The following ADAMTS9 variants were observed in gnomAD, a reference collection of about 807,000 sequenced individuals.
ADAMTS9 encodes A disintegrin and metalloproteinase with thrombospondin motifs 9.
ADAMTS9 carries 107 observed loss-of-function variants against 257.1 expected under a neutral mutation model. The observed-to-expected ratio is 0.42, with a 90% CI of 0.36 to 0.49. The LOEUF is 0.49. ADAMTS9 is among the 20% of genes least tolerant of loss of function. The probability of loss-of-function intolerance (pLI) is 0.03; values close to 1 mark genes in which losing one functional copy is unlikely to be tolerated. For missense variants in ADAMTS9, 2,353 were observed against 2,469.1 expected (o/e 0.95, Z 1.00); for synonymous variants, 982 against 880.9 (o/e 1.11, Z -2.03).
chr3:64,580,556 C>G (rs1346778475), intron 28 of ADAMTS9, among the ~76,000 whole-genome samples: 1 of 152,114 alleles, frequency 6.6e-6, no homozygotes, highest in Non-Finnish European at 1.5e-5. Flanking sequence ...TGTACTAATT[C>G]TCATCATTTT....
chr3:64,594,878 C>T (rs968189529), intron 27 of ADAMTS9, among the ~76,000 whole-genome samples: 1 of 152,090 alleles, frequency 6.6e-6, no homozygotes, highest in Admixed American at 6.5e-5. Flanking sequence ...CCTCCGCCTC[C>T]CAGGTTCAAG....
At chr3:64,651,221 C>A in intron 8 of ADAMTS9, 58 bp from the exon 9 acceptor site, 1 of 1,448,450 alleles carries the variant, frequency 6.9e-7, no homozygotes, top group Non-Finnish European at 9.2e-7. Flanking sequence ...TCATGCTGTT[C>A]TAATTGCTTC....
chr3:64,542,738 T>C (rs370561099), intron 32 of ADAMTS9, among the ~76,000 whole-genome samples: 47 of 152,188 alleles, frequency 3.1e-4, no homozygotes, highest in African/African-American at 1.1e-3. Flanking sequence ...ATTCAAAAGC[T>C]AGCAGAAGGC....
chr3:64,662,856 ACAC>A (rs1415468118), intron 3 of ADAMTS9, among the ~76,000 whole-genome samples: 1 of 152,162 alleles, frequency 6.6e-6, no homozygotes, highest in Non-Finnish European at 1.5e-5. Flanking sequence ...TGCTGACATG[ACAC>A]CACCAAGTGG....
intron 12 of ADAMTS9, among the ~76,000 whole-genome samples, chr3:64,638,758 C>T (rs999772492): frequency 3.9e-5 from 6 of 151,964 alleles, no homozygotes; most frequent in Non-Finnish European, 1.5e-5. Flanking sequence ...CACGGCAAGG[C>T]TACTTATCTT....
At chr3:64,599,473 T>C (rs1330962415) in intron 26 of ADAMTS9, among the ~76,000 whole-genome samples, 1 of 152,226 alleles carries the variant, frequency 6.6e-6, no homozygotes, top group Non-Finnish European at 1.5e-5. Context: ...TTTGTTTTTT[T>C]CTACCTGCTC....
chr3:64,610,161 C>T (rs1385947111), intron 22 of ADAMTS9, among the ~76,000 whole-genome samples: 1 of 152,124 alleles, frequency 6.6e-6, no homozygotes, highest in Non-Finnish European at 1.5e-5. Context: ...AACTAGAAAA[C>T]TCTTTTAAAA....
intron 29 of ADAMTS9, among the ~76,000 whole-genome samples, chr3:64,567,361 A>C (rs2083570326): frequency 6.6e-6 from 1 of 152,188 alleles, no homozygotes; most frequent in African/African-American, 2.4e-5. Flanking sequence ...CACTGCATGG[A>C]AGCACCGGAA....
chr3:64,551,823 C>A (rs944702918), intron 30 of ADAMTS9, among the ~76,000 whole-genome samples: 1 of 152,144 alleles, frequency 6.6e-6, no homozygotes, highest in Non-Finnish European at 1.5e-5. Context: ...TTTTCCATTC[C>A]AGGAAAGCAT....
intron 27 of ADAMTS9, among the ~76,000 whole-genome samples, chr3:64,595,836 T>C (rs2084355620): frequency 6.6e-6 from 1 of 152,184 alleles, no homozygotes; most frequent in African/African-American, 2.4e-5. Flanking sequence ...GTGTTATTTC[T>C]CGTGTTTTAT....
chr3:64,522,506 G>A, intron 38 of ADAMTS9: 1 of 336,636 alleles, frequency 3.0e-6, no homozygotes, highest in Non-Finnish European at 5.4e-6. Flanking sequence ...TTAAATAATT[G>A]AGAAAAAGTA....
intron 26 of ADAMTS9, among the ~76,000 whole-genome samples, chr3:64,599,732 G>C (rs927103931): frequency 5.9e-5 from 9 of 152,198 alleles, no homozygotes; most frequent in African/African-American, 1.9e-4. Context: ...CCTCTATCTA[G>C]ATCAAGGGTT....
At chr3:64,592,341 C>A (rs1302769465) in intron 28 of ADAMTS9, 1 of 152,158 alleles carries the variant, frequency 6.6e-6, no homozygotes, top group East Asian at 1.9e-4. Flanking sequence ...ATTATAATTT[C>A]TTTCTCTCTC....
intron 27 of ADAMTS9, among the ~76,000 whole-genome samples, chr3:64,595,674 C>A (rs534562919): frequency 6.6e-6 from 1 of 152,146 alleles, no homozygotes; most frequent in African/African-American, 2.4e-5. Flanking sequence ...TGAAAGTCAA[C>A]AATAATCCCG....
At chr3:64,648,941 A>G (rs999873865) in intron 10 of ADAMTS9, among the ~76,000 whole-genome samples, 4 of 152,200 alleles carry the variant, frequency 2.6e-5, no homozygotes, top group African/African-American at 7.2e-5. Context: ...ATGGAATACT[A>G]TTGTACTTCT....
chr3:64,667,844 A>T (rs1033699256), intron 3 of ADAMTS9, among the ~76,000 whole-genome samples: 2 of 152,214 alleles, frequency 1.3e-5, no homozygotes, highest in Non-Finnish European at 2.9e-5. Context: ...TATGGTAGGA[A>T]CTATTACCTT....
intron 28 of ADAMTS9, among the ~76,000 whole-genome samples, chr3:64,593,961 A>ATGTGTGTGTATGTGTGTGTGTATGATG (rs1553707061): frequency 9.2e-6 from 1 of 108,264 alleles, no homozygotes; most frequent in Non-Finnish European, 1.7e-5. Flanking sequence ...TGTGTGTATG[A>ATGTGTGTGTATGTGTGTGTGTATGATG]TGTGTGTGTG....
At chr3:64,517,940 C>G (rs144415023) in intron 39 of ADAMTS9, among the ~76,000 whole-genome samples, 1 of 152,232 alleles carries the variant, frequency 6.6e-6, no homozygotes, top group Non-Finnish European at 1.5e-5. Flanking sequence ...TCGCCTGACT[C>G]TAGGTGGGTA....
intron 2 of ADAMTS9, among the ~76,000 whole-genome samples, chr3:64,683,158 G>GAGC (rs917139067): frequency 5.3e-5 from 8 of 152,138 alleles, no homozygotes; most frequent in African/African-American, 1.9e-4. Context: ...ACAAATCAGA[G>GAGC]AGCATATCAC....
Sources: gnomAD v4.1 joint callset for allele counts (sites outside exome capture counted in the v4.1 genomes callset) on GRCh38, gnomAD v4.1.1 for gene constraint, MANE v1.5 for transcripts, NCBI Gene and HGNC (gene_info 2026-07-23, HGNC 2026-07-21) for gene names.